RARB: variants seen among roughly 807,000 people sequenced by gnomAD.
RARB encodes the protein retinoic acid receptor beta.
A neutral mutation model predicts 51.9 loss-of-function variants in RARB; 17 were observed. The ratio of observed to expected loss-of-function variants is 0.33; its 90% CI spans 0.22 to 0.49. RARB has a LOEUF of 0.49. RARB is among the 20% of genes least tolerant of loss of function. The probability of loss-of-function intolerance (pLI) is 0.99; values close to 1 mark genes in which losing one functional copy is unlikely to be tolerated. For synonymous variants in RARB, 215 were observed against 195.4 expected, an observed-to-expected ratio of 1.10 and a Z score of -0.84; for missense variants, 369 against 550.8, an observed-to-expected ratio of 0.67 and a Z score of 3.30.
chr3:25,460,826 A>G (rs1695142418), intron 1 of RARB, among the ~76,000 whole-genome samples: 2 of 152,156 alleles, frequency 1.3e-5, no homozygotes, highest in African/African-American at 4.8e-5. Context: ...TTGTAGTATG[A>G]CTATCTGAAT....
chr3:25,517,688 G>C (rs533473272), intron 3 of RARB, among the ~76,000 whole-genome samples: 6 of 152,248 alleles, frequency 3.9e-5, no homozygotes, highest in African/African-American at 1.4e-4. Context: ...ACAGAAAGTT[G>C]ACAGAAATGC....
chr3:25,544,289 A>G (rs1019934990), intron 3 of RARB, among the ~76,000 whole-genome samples: 1 of 152,244 alleles, frequency 6.6e-6, no homozygotes, highest in Admixed American at 6.5e-5. Flanking sequence ...ATTAAGATTT[A>G]TGTATTCTTC....
chr3:25,210,781 C>T (rs750190764), intron 5 of RARB, among the ~76,000 whole-genome samples: 18 of 151,880 alleles, frequency 1.2e-4, no homozygotes, highest in Non-Finnish European at 1.2e-4. Context: ...GTGAATCGCC[C>T]ACCTCAGCTT....
rs181224143 is a variant in RARB at position 25,345,937 on chromosome 3, A to G, written c.179-115256A>G. 4.6e-5 allele frequency: 40 copies of G among 863,338 alleles called. No individual in the cohort carries two copies. The African/African-American group carries it at 6.4e-4, about 14-fold the overall frequency. The allele number at this position is 863,338 out of a possible 1,614,324, so 53.5% of individuals were successfully genotyped here. ...AAGAGAGAAAAATGTTTAAACCACC[A>G]TTTAGTTTAGTTCATGATTCTACAA... On this transcript the variant is annotated intron_variant, in intron 5 of 11. Transcript: ENST00000383772.
intron 3 of RARB, among the ~76,000 whole-genome samples, chr3:25,060,433 A>G (rs1698525933): frequency 6.6e-6 from 1 of 151,860 alleles, no homozygotes; most frequent in Non-Finnish European, 1.5e-5. Context: ...GGTATAGAGC[A>G]GAGGGTTGCA....
intron 5 of RARB, among the ~76,000 whole-genome samples, chr3:25,339,397 T>C (rs761747463): frequency 6.6e-6 from 1 of 152,208 alleles, no homozygotes; most frequent in Non-Finnish European, 1.5e-5. Flanking sequence ...CACTGAGCTG[T>C]AACCAATTCA....
At chr3:25,413,246 TG>T (rs1448139039) in intron 5 of RARB, among the ~76,000 whole-genome samples, 1 of 146,748 alleles carries the variant, frequency 6.8e-6, no homozygotes, top group Non-Finnish European at 1.5e-5. Flanking sequence ...TGTGTATTTT[TG>T]TCTTTTTTCA....
intron 5 of RARB, among the ~76,000 whole-genome samples, chr3:25,281,058 G>A (rs1020226377): frequency 4.6e-5 from 7 of 152,186 alleles, no homozygotes; most frequent in Admixed American, 1.3e-4. Flanking sequence ...AACTGCATTT[G>A]CATTTATAGT....
chr3:25,460,687 A>T (rs537516576), intron 1 of RARB, among the ~76,000 whole-genome samples: 1 of 152,200 alleles, frequency 6.6e-6, no homozygotes, highest in Non-Finnish European at 1.5e-5. Flanking sequence ...ACCTCAGGTG[A>T]TCCCCCTGCC....
intron 2 of RARB, among the ~76,000 whole-genome samples, chr3:24,998,663 C>T (rs949369473): frequency 6.6e-5 from 10 of 152,070 alleles, no homozygotes; most frequent in African/African-American, 1.4e-4. Flanking sequence ...CTGGAGATTA[C>T]CACTGTAGCT....
chr3:24,901,932 C>T (rs966908398), intron 2 of RARB, among the ~76,000 whole-genome samples: 1 of 151,666 alleles, frequency 6.6e-6, no homozygotes, highest in East Asian at 1.9e-4. Context: ...CAGTTTTTGC[C>T]ATTGAAAGTA....
At chr3:25,549,342 G>A (rs1699746078) in intron 3 of RARB, among the ~76,000 whole-genome samples, 1 of 152,050 alleles carries the variant, frequency 6.6e-6, no homozygotes, top group South Asian at 2.1e-4. Flanking sequence ...AGCTCTGAAG[G>A]CTCCAGAAGA....
At chr3:25,412,193 G>A (rs951011961) in intron 5 of RARB, among the ~76,000 whole-genome samples, 2 of 152,138 alleles carry the variant, frequency 1.3e-5, no homozygotes, top group African/African-American at 4.8e-5. Flanking sequence ...GAGGACAATG[G>A]ATGTTTTATT....
intron 3 of RARB, among the ~76,000 whole-genome samples, chr3:25,084,893 A>G (rs1699077201): frequency 6.6e-6 from 1 of 152,146 alleles, no homozygotes; most frequent in South Asian, 2.1e-4. Context: ...AAACCCTACC[A>G]TAAACTGATT....
At chr3:25,111,787 C>T (rs1446327568) in intron 3 of RARB, among the ~76,000 whole-genome samples, 1 of 151,982 alleles carries the variant, frequency 6.6e-6, no homozygotes, top group Non-Finnish European at 1.5e-5. Flanking sequence ...CTATGTTGGC[C>T]AGGCTGGTCT....
At chr3:25,335,543 G>C (rs1427044598) in intron 5 of RARB, among the ~76,000 whole-genome samples, 1 of 152,062 alleles carries the variant, frequency 6.6e-6, no homozygotes, top group African/African-American at 2.4e-5. Flanking sequence ...CCTTCTCTTG[G>C]CTTCCCCAGT....
At chr3:25,038,894 T>G (rs1315864595) in intron 2 of RARB, among the ~76,000 whole-genome samples, 1 of 152,238 alleles carries the variant, frequency 6.6e-6, no homozygotes, top group African/African-American at 2.4e-5. Context: ...AATAGAAATC[T>G]AATCTCTGAG....
chr3:25,022,261 A>G (rs1697654503), intron 2 of RARB, among the ~76,000 whole-genome samples: 1 of 152,198 alleles, frequency 6.6e-6, no homozygotes, highest in African/African-American at 2.4e-5. Flanking sequence ...ACTCACCCTA[A>G]GGGTAACCAA....
chr3:24,885,271 C>G (rs1407634439), intron 2 of RARB, among the ~76,000 whole-genome samples: 1 of 152,042 alleles, frequency 6.6e-6, no homozygotes, highest in Non-Finnish European at 1.5e-5. Flanking sequence ...TGTAAGGAAC[C>G]TTTAAGTGGC....
Sources: allele counts gnomAD v4.1 joint callset (sites outside exome capture counted in the v4.1 genomes callset), GRCh38; gene constraint gnomAD v4.1.1; transcripts MANE v1.5; gene names NCBI Gene and HGNC (gene_info 2026-07-23, HGNC 2026-07-21).